The following CNGA1 variants were observed in gnomAD, a reference collection of about 807,000 sequenced individuals.
The protein encoded by CNGA1 is cyclic nucleotide gated channel subunit alpha 1, also known as cyclic nucleotide-gated channel alpha-1.
A neutral mutation model predicts 69.7 loss-of-function variants in CNGA1; 53 were observed. The observed-to-expected ratio is 0.76, with a 90% confidence interval of 0.61 to 0.96. The LOEUF (loss-of-function observed/expected upper bound fraction) is 0.96, where lower values mean the gene tolerates loss of function less well. Among genes scored for constraint, CNGA1 ranks in the 40% least tolerant of loss-of-function variants. The pLI is 0.00. For synonymous variants in CNGA1, 249 were observed against 283.5 expected (o/e 0.88, Z 1.22); for missense variants, 739 against 811.2 (o/e 0.91, Z 1.08).
rs770065041 is a variant in CNGA1, at chr4:47,936,411, C to T, written c.*10G>A. ...GAGGCATGTCCCTGTTAATGACCAGCTTTTCGGTTCTATGTAGAGTCGATG... is the reference window on the plus strand; with the variant it reads ...GAGGCATGTCCCTGTTAATGACCAGTTTTTCGGTTCTATGTAGAGTCGATG... On this transcript the variant is annotated 3_prime_UTR_variant, in exon 11 of 11. Transcript: ENST00000514170. 9 of 1,613,976 alleles carry T rather than the reference C, an allele frequency of 5.6e-6. No homozygotes were observed. The highest frequency in any genetic ancestry group is 6.8e-6 in the Non-Finnish European group (8 of 1,179,894).
intron 2 of CNGA1, among the ~76,000 whole-genome samples, chr4:47,982,090 T>C (rs1430002827): frequency 2.0e-5 from 3 of 152,192 alleles, no homozygotes; most frequent in Non-Finnish European, 4.4e-5. Context: ...TCACAATATT[T>C]CAGTTAGTGT....
At chr4:47,947,327 T>A (rs919537706) in intron 6 of CNGA1, among the ~76,000 whole-genome samples, 7 of 152,092 alleles carry the variant, frequency 4.6e-5, no homozygotes, top group African/African-American at 1.7e-4. Flanking sequence ...TGAGGTTAAT[T>A]TCCCCAATGG....
intron 6 of CNGA1, among the ~76,000 whole-genome samples, chr4:47,945,670 G>GT (rs1220077377): frequency 6.6e-6 from 1 of 152,148 alleles, no homozygotes; most frequent in Non-Finnish European, 1.5e-5. Flanking sequence ...AAAGTGAAAT[G>GT]TATGTAATTC....
intron 3 of CNGA1, among the ~76,000 whole-genome samples, chr4:47,979,056 C>G (rs947177724): frequency 6.6e-6 from 1 of 152,098 alleles, no homozygotes; most frequent in Non-Finnish European, 1.5e-5. Context: ...CATGGTGGCT[C>G]ACACCTGTAA....
intron 1 of CNGA1, among the ~76,000 whole-genome samples, chr4:48,015,622 A>G (rs78621326): frequency 0.13 from 18,945 of 151,062 alleles, 1,570 homozygotes; most frequent in South Asian, 0.27. Flanking sequence ...TTTTTTCTTG[A>G]GACAGGGTCT....
chr4:47,938,959 GGAAA>G (rs372773883), intron 10 of CNGA1, among the ~76,000 whole-genome samples: 194 of 142,948 alleles, frequency 1.4e-3, no homozygotes, highest in African/African-American at 3.1e-3. Flanking sequence ...AGGGAGGGAG[GGAAA>G]GAAAGAAAGA....
intron 10 of CNGA1, 126 bp downstream of exon 10, chr4:47,940,637 G>T: frequency 1.4e-6 from 1 of 696,934 alleles, no homozygotes; most frequent in Non-Finnish European, 2.5e-6. Flanking sequence ...CTTCACCTGT[G>T]CCTTTTTCTC....
intron 2 of CNGA1, among the ~76,000 whole-genome samples, chr4:47,982,595 T>C (rs1741768641): frequency 6.6e-6 from 1 of 152,124 alleles, no homozygotes; most frequent in South Asian, 2.1e-4. Flanking sequence ...AATATTAACA[T>C]TTTCCTTATA....
intron 3 of CNGA1, among the ~76,000 whole-genome samples, chr4:47,965,581 C>CA (rs1276037591): frequency 1.3e-5 from 2 of 152,082 alleles, no homozygotes; most frequent in East Asian, 3.9e-4. Context: ...TGCCCACCAC[C>CA]AGGCCCGGCT....
intron 5 of CNGA1, 63 bp from the exon 6 acceptor site, chr4:47,949,958 G>A (rs1739644172): frequency 1.3e-6 from 2 of 1,486,782 alleles, no homozygotes; most frequent in Non-Finnish European, 1.9e-6. Flanking sequence ...GTCCATGGTA[G>A]GCAAATGGTC....
chr4:47,936,621 C>T lies in CNGA1; in HGVS notation c.1861G>A (p.Glu621Lys). ...NAGSDPKDLE[E>K]KVTRMEGSVD... ...GACCCCTCCATTCGAGTAACCTTCT[C>T]TTCAAGATCTTTAGGATCACTGCCA... The change falls in exon 11 of 11, where the codon GAG becomes AAG. Residue 621 changes from glutamate (E) to lysine (K), a missense_variant. Transcript: ENST00000514170. The T allele has an allele frequency of 6.2e-7, 1 of 1,614,190 alleles. No individual in the cohort carries two copies. Among genetic ancestry groups the T allele is most frequent in the Non-Finnish European group, 8.5e-7 (1 of 1,180,030 alleles).
chr4:47,940,987 A>C, intron 9 of CNGA1, 118 bp from the exon 10 acceptor site: 1 of 664,054 alleles, frequency 1.5e-6, no homozygotes, highest in Non-Finnish European at 2.7e-6. Flanking sequence ...AGGCTAGGAG[A>C]GGTCCTTAGA....
At chr4:47,965,983 T>G (rs1740705838) in intron 3 of CNGA1, among the ~76,000 whole-genome samples, 1 of 152,218 alleles carries the variant, frequency 6.6e-6, no homozygotes. Flanking sequence ...GCATGAGTCT[T>G]TGAATTGAAA....
intron 1 of CNGA1, among the ~76,000 whole-genome samples, chr4:48,013,958 C>A (rs561265786): frequency 6.6e-6 from 1 of 152,216 alleles, no homozygotes; most frequent in African/African-American, 2.4e-5. Flanking sequence ...CAGACCTCCC[C>A]AAGCTCGAAA....
chr4:47,941,702 A>G (rs1202472597), intron 9 of CNGA1, among the ~76,000 whole-genome samples: 1 of 152,144 alleles, frequency 6.6e-6, no homozygotes. Context: ...GTGAGAAAAT[A>G]ATCTGTGCAC....
intron 3 of CNGA1, among the ~76,000 whole-genome samples, chr4:47,954,276 CAA>C (rs1739927430): frequency 6.6e-6 from 1 of 152,182 alleles, no homozygotes; most frequent in African/African-American, 2.4e-5. Context: ...CACTGTTCAA[CAA>C]AGTCTCAGCA....
intron 6 of CNGA1, among the ~76,000 whole-genome samples, chr4:47,944,399 A>C (rs756168914): frequency 7.2e-5 from 11 of 152,228 alleles, no homozygotes; most frequent in Non-Finnish European, 1.5e-4. Flanking sequence ...AAGTTGGATA[A>C]GGAAGAATTT....
At chr4:47,946,316 A>T (rs1739395920) in intron 6 of CNGA1, among the ~76,000 whole-genome samples, 1 of 152,216 alleles carries the variant, frequency 6.6e-6, no homozygotes, top group Non-Finnish European at 1.5e-5. Flanking sequence ...TATGTGGAAA[A>T]CAATGCATTC....
chr4:47,973,818 T>A (rs956608440), intron 3 of CNGA1, among the ~76,000 whole-genome samples: 5 of 152,176 alleles, frequency 3.3e-5, no homozygotes, highest in African/African-American at 4.8e-5. Flanking sequence ...AATTTTATAA[T>A]AAAATGATAT....
Sources: allele counts gnomAD v4.1 joint callset (sites outside exome capture counted in the v4.1 genomes callset), GRCh38; gene constraint gnomAD v4.1.1; transcripts MANE v1.5; gene names NCBI Gene and HGNC (gene_info 2026-07-23, HGNC 2026-07-21).